Variants in SNCAIP observed in about 807,000 individuals in gnomAD.
SNCAIP encodes synphilin-1.
Under a neutral mutation model 86.7 loss-of-function variants are expected in SNCAIP, and 43 were observed. That is an observed-to-expected ratio of 0.50 (90% CI 0.39 to 0.64). The LOEUF (loss-of-function observed/expected upper bound fraction) is 0.64, where lower values mean the gene tolerates loss of function less well. Ranked by LOEUF, SNCAIP falls within the 30% of genes least tolerant of loss-of-function variation. The pLI is 0.00. For synonymous variants in SNCAIP, 417 were observed against 427.2 expected, an observed-to-expected ratio of 0.98 and a Z score of 0.29; for missense variants, 981 against 1,103.1, an observed-to-expected ratio of 0.89 and a Z score of 1.57.
intron 10 of SNCAIP, chr5:122,452,936 C>A: frequency 6.5e-7 from 1 of 1,547,040 alleles, no homozygotes; most frequent in Non-Finnish European, 8.7e-7. Context: ...AAATGTACAG[C>A]AGCTGCATCA....
intron 1 of SNCAIP, among the ~76,000 whole-genome samples, chr5:122,342,687 G>T (rs1757823274): frequency 6.6e-6 from 1 of 152,136 alleles, no homozygotes; most frequent in East Asian, 1.9e-4. Flanking sequence ...GTGGTTAAAG[G>T]CCCGAGTCTG....
At chr5:122,330,388 T>G (rs1365029133) in intron 1 of SNCAIP, among the ~76,000 whole-genome samples, 1 of 152,146 alleles carries the variant, frequency 6.6e-6, no homozygotes, top group Admixed American at 6.5e-5. Flanking sequence ...CCCAAAGTGC[T>G]GGGATTACAG....
Position 122,449,928 on chromosome 5 carries a change from C to A in SNCAIP, c.1676C>A (p.Ser559Tyr). ...AAATCAGAGGGCAAGTCACTCCCTT[C>A]TTCACCCAGGTAATACCAGCACATT... ...AQKSEGKSLP[S>Y]SPSSPSSPAS... The change falls in exon 9 of 11, where the codon TCT becomes TAT. Residue 559 changes from serine (S) to tyrosine (Y), a missense_variant. Coordinates refer to ENST00000261368, the MANE Select transcript of SNCAIP (RefSeq NM_005460.4). 1 of 1,609,870 alleles carries A rather than the reference C, an allele frequency of 6.2e-7. No individual in the cohort carries two copies. The highest frequency in any genetic ancestry group is 8.5e-7 in the Non-Finnish European group (1 of 1,176,150).
intron 2 of SNCAIP, among the ~76,000 whole-genome samples, chr5:122,396,659 C>T (rs750714287): frequency 6.6e-6 from 1 of 152,126 alleles, no homozygotes; most frequent in Admixed American, 6.5e-5. Context: ...TTGCTATGCT[C>T]TCAAAGTGTG....
intron 1 of SNCAIP, among the ~76,000 whole-genome samples, chr5:122,326,385 CATT>C (rs1393870497): frequency 6.6e-6 from 1 of 152,164 alleles, no homozygotes; most frequent in African/African-American, 2.4e-5. Context: ...ATAGTACACT[CATT>C]AACCTGTTTT....
At chr5:122,453,961 G>A (rs182949184) in intron 10 of SNCAIP, among the ~76,000 whole-genome samples, 29 of 152,056 alleles carry the variant, frequency 1.9e-4, no homozygotes, top group African/African-American at 6.3e-4. Flanking sequence ...GTTTTGCCAC[G>A]TTGCTCAGGC....
rs187576456 is a variant in SNCAIP, at chr5:122,347,609, A to G, written c.-47+35325A>G. On this transcript the variant is annotated intron_variant, in intron 1 of 10. Coordinates refer to ENST00000261368, the MANE Select transcript of SNCAIP (RefSeq NM_005460.4). ...CCTATGAGTAGATACCCTCAATTGG[A>G]AAAAATATATATCCATATTGATCTT... 4.6e-5 allele frequency among the ~76,000 whole-genome samples: 7 copies of G among 152,160 alleles called. No individual in the cohort carries two copies. The East Asian group carries it at 1.4e-3, about 29-fold the overall frequency.
chr5:122,375,974 T>C (rs551258126), intron 1 of SNCAIP, among the ~76,000 whole-genome samples: 1 of 152,198 alleles, frequency 6.6e-6, no homozygotes, highest in South Asian at 2.1e-4. Flanking sequence ...TTAGCTTAGG[T>C]AGTGGTTCTA....
chr5:122,368,475 C>G (rs1475355952), intron 1 of SNCAIP, among the ~76,000 whole-genome samples: 1 of 152,308 alleles, frequency 6.6e-6, no homozygotes, highest in East Asian at 1.9e-4. Context: ...CTCCCCATTT[C>G]TACTCAAGCC....
intron 1 of SNCAIP, among the ~76,000 whole-genome samples, chr5:122,381,625 T>C (rs1255121378): frequency 6.6e-6 from 1 of 150,604 alleles, no homozygotes; most frequent in Non-Finnish European, 1.5e-5. Flanking sequence ...TGATGCAGTT[T>C]CTTCCTAGTC....
chr5:122,455,919 A>T (rs1407842196), intron 10 of SNCAIP, among the ~76,000 whole-genome samples: 1 of 152,212 alleles, frequency 6.6e-6, no homozygotes, highest in East Asian at 1.9e-4. Flanking sequence ...ATTTATCTTT[A>T]CTTTATCTTA....
chr5:122,326,306 G>C (rs921250334), intron 1 of SNCAIP, among the ~76,000 whole-genome samples: 1 of 152,110 alleles, frequency 6.6e-6, no homozygotes, highest in Admixed American at 6.5e-5. Flanking sequence ...TTCTCTCTTA[G>C]AGCTCTCATT....
chr5:122,456,597 C>T (rs1784817812), intron 10 of SNCAIP, among the ~76,000 whole-genome samples: 1 of 152,206 alleles, frequency 6.6e-6, no homozygotes, highest in Non-Finnish European at 1.5e-5. Flanking sequence ...CACTAAAAAG[C>T]ATTTCCAGAA....
intron 1 of SNCAIP, among the ~76,000 whole-genome samples, chr5:122,387,127 A>G (rs184384546): frequency 8.1e-4 from 123 of 152,212 alleles, no homozygotes; most frequent in African/African-American, 2.6e-3. Flanking sequence ...GATGCATAGC[A>G]ATAAAAATCC....
intron 9 of SNCAIP, 45 bp from the exon 10 acceptor site, chr5:122,450,488 A>C (rs766327052): frequency 1.0e-5 from 14 of 1,386,942 alleles, no homozygotes; most frequent in Non-Finnish European, 1.0e-6. Flanking sequence ...GAGTCATTTC[A>C]ACCCAGTAGG....
At chr5:122,426,927 A>G (rs1288210748) in intron 5 of SNCAIP, among the ~76,000 whole-genome samples, 1 of 152,084 alleles carries the variant, frequency 6.6e-6, no homozygotes, top group Non-Finnish European at 1.5e-5. Context: ...ACTCTTAAGG[A>G]GCTAATATTA....
At chr5:122,402,153 A>G (rs1771955865) in intron 2 of SNCAIP, among the ~76,000 whole-genome samples, 1 of 152,162 alleles carries the variant, frequency 6.6e-6, no homozygotes, top group Non-Finnish European at 1.5e-5. Context: ...CAACCAAAAC[A>G]AAAGGCCCAA....
At chr5:122,417,356 G>T (rs1401088121) in intron 3 of SNCAIP, among the ~76,000 whole-genome samples, 2 of 152,186 alleles carry the variant, frequency 1.3e-5, no homozygotes, top group African/African-American at 4.8e-5. Flanking sequence ...TCTGTTATTT[G>T]TAGACATTCC....
At chr5:122,414,236 CTT>C (rs58324419) in intron 3 of SNCAIP, among the ~76,000 whole-genome samples, 18 of 143,494 alleles carry the variant, frequency 1.3e-4, no homozygotes, top group Admixed American at 2.1e-4. Flanking sequence ...ATTATTTTTC[CTT>C]TTTTTTTTTT....
Sources: gnomAD v4.1 joint callset for allele counts (sites outside exome capture counted in the v4.1 genomes callset) on GRCh38, gnomAD v4.1.1 for gene constraint, MANE v1.5 for transcripts, NCBI Gene and HGNC (gene_info 2026-07-23, HGNC 2026-07-21) for gene names.